The following NXPE2 variants were observed in gnomAD, a reference collection of about 807,000 sequenced individuals.
NXPE2 encodes NXPE family member 2.
Under a neutral mutation model 34.4 loss-of-function variants are expected in NXPE2, and 34 were observed. The ratio of observed to expected loss-of-function variants is 0.99; its 90% CI spans 0.75 to 1.31. NXPE2 has a LOEUF of 1.31. Ranked by LOEUF, NXPE2 falls within the 40% of genes most tolerant of loss-of-function variation. The probability of loss-of-function intolerance (pLI) is 0.00; values close to 1 mark genes in which losing one functional copy is unlikely to be tolerated. For missense variants in NXPE2, 649 were observed against 672.5 expected, an observed-to-expected ratio of 0.97 and a Z score of 0.39; for synonymous variants, 235 against 231.3, an observed-to-expected ratio of 1.02 and a Z score of -0.15.
the NXPE2 span, among the ~76,000 whole-genome samples, chr11:114,756,903 C>T: frequency 2.6e-5 from 4 of 151,962 alleles, no homozygotes; most frequent in Admixed American, 6.6e-5. Context: ...GGGTGTTCAC[C>T]GCCTACGTTC....
chr11:114,736,446 T>A, the NXPE2 span, among the ~76,000 whole-genome samples: 1 of 152,222 alleles, frequency 6.6e-6, no homozygotes, highest in Non-Finnish European at 1.5e-5. Context: ...TCCCATTTGC[T>A]TTTGAAAGAA....
At chr11:114,636,953 G>A in the NXPE2 span, among the ~76,000 whole-genome samples, 5 of 152,134 alleles carry the variant, frequency 3.3e-5, no homozygotes, top group Admixed American at 6.5e-5. Flanking sequence ...ATTTGGGGTG[G>A]AGAGTTCTGT....
In NXPE2 at chr11:114,693,826, A is replaced by G. The variant is rs140979780; in HGVS notation, c.133-4219A>G. 1.8e-3 allele frequency among the ~76,000 whole-genome samples: 280 copies of G among 152,358 alleles called. 2 individuals carry two copies. The highest frequency in any genetic ancestry group is 6.5e-3 in the African/African-American group (271 of 41,578). On this transcript the variant is annotated intron_variant, in intron 2 of 5. Coordinates refer to ENST00000389586, the MANE Select transcript of NXPE2 (RefSeq NM_182495.6). The stretch of plus-strand genomic sequence containing the variant: ...TTGGAATTATCAAATACTTAAAAAC[A>G]GCTATTATAACTATATTGGTTTTCT...
the NXPE2 span, among the ~76,000 whole-genome samples, chr11:114,798,710 A>G: frequency 6.6e-6 from 1 of 152,220 alleles, no homozygotes; most frequent in African/African-American, 2.4e-5. Context: ...GCCTTTTGCT[A>G]CTTTTCATAG....
At chr11:114,775,391 G>A in the NXPE2 span, among the ~76,000 whole-genome samples, 1 of 152,198 alleles carries the variant, frequency 6.6e-6, no homozygotes, top group African/African-American at 2.4e-5. Flanking sequence ...GTTAGGGGGG[G>A]CAAGAGGACA....
At chr11:114,567,418 A>G in the NXPE2 span, among the ~76,000 whole-genome samples, 1 of 152,106 alleles carries the variant, frequency 6.6e-6, no homozygotes, top group Non-Finnish European at 1.5e-5. Flanking sequence ...AGCCTGGGAA[A>G]ACCAACGATC....
chr11:114,500,189 C>T, the NXPE2 span, among the ~76,000 whole-genome samples: 2 of 152,008 alleles, frequency 1.3e-5, no homozygotes, highest in African/African-American at 4.8e-5. Flanking sequence ...AACTGACAAA[C>T]TGTTTTCTAG....
At chr11:114,639,570 GGGAGCTGTAGACT>G in the NXPE2 span, among the ~76,000 whole-genome samples, 1 of 150,334 alleles carries the variant, frequency 6.7e-6, no homozygotes, top group South Asian at 2.1e-4. Flanking sequence ...CGCTCAGGCC[GGGAGCTGTAGACT>G]GGAGCTGTTC....
At chr11:114,582,743 G>T in the NXPE2 span, 3 of 1,614,116 alleles carry the variant, frequency 1.9e-6, no homozygotes, top group Admixed American at 1.7e-5. Flanking sequence ...GTCCCAAGTG[G>T]TCCCTCACCT....
At chr11:114,761,561 CTTTTTTT>C in the NXPE2 span, among the ~76,000 whole-genome samples, 1 of 92,772 alleles carries the variant, frequency 1.1e-5, no homozygotes, top group African/African-American at 4.3e-5. Context: ...AGCCAAGCCT[CTTTTTTT>C]TTTTTTTTTT....
rs1951294260 is a variant in NXPE2 at position 114,698,189 on chromosome 11, C to A, written c.277C>A (p.Gln93Lys). ...RIKDIMEKLD[Q>K]QIPPRPFTHV... ...AAAGGACATTATGGAGAAACTAGACCAGCAGATCCCACCCAGACCTTTCAC... is the reference window on the plus strand; with the variant it reads ...AAAGGACATTATGGAGAAACTAGACAAGCAGATCCCACCCAGACCTTTCAC... Residue 93 changes from glutamine to lysine, a missense_variant, in exon 3 of 6, where the codon CAG (glutamine) becomes AAG (lysine). Gln to Lys is a moderately conservative substitution (Grantham distance 53). Transcript: ENST00000389586. 6.2e-7 allele frequency: 1 copy of A among 1,614,056 alleles called. No homozygotes were observed. The highest frequency in any genetic ancestry group is 1.3e-5 in the African/African-American group (1 of 74,932).
the NXPE2 span, among the ~76,000 whole-genome samples, chr11:114,657,808 T>C: frequency 6.6e-6 from 1 of 152,196 alleles, no homozygotes; most frequent in Non-Finnish European, 1.5e-5. Context: ...TAGTTAAATA[T>C]ACTCTTTTCA....
chr11:114,544,358 G>A, the NXPE2 span, among the ~76,000 whole-genome samples: 1 of 152,204 alleles, frequency 6.6e-6, no homozygotes, highest in East Asian at 1.9e-4. Flanking sequence ...TCAAGACAAT[G>A]CAGTGTTGGT....
the NXPE2 span, among the ~76,000 whole-genome samples, chr11:114,651,517 G>C: frequency 2.0e-5 from 3 of 152,208 alleles, no homozygotes; most frequent in South Asian, 2.1e-4. Flanking sequence ...ACCTGCCACA[G>C]CATGGAAGAG....
At chr11:114,633,323 T>C in the NXPE2 span, among the ~76,000 whole-genome samples, 1 of 141,508 alleles carries the variant, frequency 7.1e-6, no homozygotes, top group Non-Finnish European at 1.5e-5. Flanking sequence ...AATTATATTA[T>C]GTGGTATTAC....
chr11:114,552,670 A>G, the NXPE2 span, among the ~76,000 whole-genome samples: 1 of 151,984 alleles, frequency 6.6e-6, no homozygotes, highest in Non-Finnish European at 1.5e-5. Context: ...TGAATTTTGT[A>G]AAGTATGAGT....
Position 114,698,277 on chromosome 11 carries a change from C to T in NXPE2, c.365C>T (p.Thr122Met), listed in dbSNP as rs756651078. 3.0e-5 allele frequency: 49 copies of T among 1,613,242 alleles called. No homozygotes were observed. The highest frequency in any genetic ancestry group is 2.0e-4 in the African/African-American group (15 of 74,930). Residue 122 changes from threonine (T) to methionine (M), a missense_variant, in exon 3 of 6, where the codon ACG becomes ATG. By Grantham distance (81) the Thr-to-Met change is moderately conservative. Coordinates refer to ENST00000389586, the MANE Select transcript of NXPE2 (RefSeq NM_182495.6). ...GCCACCATCCTCAACCCTCAAGATACGTACTGCAGGGGGGATCAGCTGGAC... is the reference window on the plus strand; with the variant it reads ...GCCACCATCCTCAACCCTCAAGATATGTACTGCAGGGGGGATCAGCTGGAC... Reference protein sequence around the residue: ...STATILNPQDTYCRGDQLDIL... With the variant: ...STATILNPQDMYCRGDQLDIL...
At chr11:114,597,899 C>T in the NXPE2 span, among the ~76,000 whole-genome samples, 1 of 152,050 alleles carries the variant, frequency 6.6e-6, no homozygotes, top group East Asian at 1.9e-4. Flanking sequence ...TCTCACATTT[C>T]AAAATACAAT....
At chr11:114,784,733 G>GA in the NXPE2 span, among the ~76,000 whole-genome samples, 118 of 152,240 alleles carry the variant, frequency 7.8e-4, no homozygotes, top group Non-Finnish European at 1.4e-3. Flanking sequence ...TTGAAATGGA[G>GA]AAAAGCCAGA....
Sources: allele counts gnomAD v4.1 joint callset (sites outside exome capture counted in the v4.1 genomes callset), GRCh38; gene constraint gnomAD v4.1.1; transcripts MANE v1.5; gene names NCBI Gene and HGNC (gene_info 2026-07-23, HGNC 2026-07-21).